Variants in IL1RAPL2 observed in about 807,000 individuals in gnomAD.
IL1RAPL2 encodes the protein X-linked interleukin-1 receptor accessory protein-like 2.
Under a neutral mutation model 44.1 loss-of-function variants are expected in IL1RAPL2, and 3 were observed. That is an observed-to-expected ratio of 0.07 (90% CI 0.03 to 0.18). The LOEUF (loss-of-function observed/expected upper bound fraction) is 0.18, where lower values mean the gene tolerates loss of function less well. Ranked by LOEUF, IL1RAPL2 falls within the 10% of genes least tolerant of loss-of-function variation. The probability of loss-of-function intolerance (pLI) is 1.00; values close to 1 mark genes in which losing one functional copy is unlikely to be tolerated. For missense variants in IL1RAPL2, 391 were observed against 496.4 expected (o/e 0.79, Z 2.02); for synonymous variants, 181 against 178.8 (o/e 1.01, Z -0.10).
At chrX:105,309,504 G>A (rs1179516418) in intron 5 of IL1RAPL2, among the ~76,000 whole-genome samples, 1 of 107,862 alleles carries the variant, frequency 9.3e-6, no homozygotes, top group Non-Finnish European at 1.9e-5. Context: ...GGCCAAGGTG[G>A]GCAGATTACC....
intron 2 of IL1RAPL2, among the ~76,000 whole-genome samples, chrX:104,788,427 G>T (rs1240417082): frequency 8.9e-6 from 1 of 111,953 alleles, no homozygotes; most frequent in Non-Finnish European, 1.9e-5. Context: ...GAGAGTTTTT[G>T]GAACTAGTAC....
chrX:104,949,379 TCA>T (rs1282901499), intron 2 of IL1RAPL2, among the ~76,000 whole-genome samples: 1 of 110,955 alleles, frequency 9.0e-6, no homozygotes, highest in Non-Finnish European at 1.9e-5. Flanking sequence ...GCTCCTGGAT[TCA>T]CTCATTTTTT....
chrX:105,687,597 A>T (rs2037993032), intron 6 of IL1RAPL2, among the ~76,000 whole-genome samples: 1 of 111,489 alleles, frequency 9.0e-6, no homozygotes, highest in Non-Finnish European at 1.9e-5. Flanking sequence ...CTACCAACCA[A>T]AAAAAGTCCA....
At chrX:105,384,888 G>T (rs2035464970) in intron 5 of IL1RAPL2, among the ~76,000 whole-genome samples, 1 of 110,952 alleles carries the variant, frequency 9.0e-6, no homozygotes, top group Non-Finnish European at 1.9e-5. Flanking sequence ...TTGCTTCCTT[G>T]GTTTATTTTT....
intron 6 of IL1RAPL2, among the ~76,000 whole-genome samples, chrX:105,682,966 T>C (rs1208519673): frequency 1.8e-5 from 2 of 112,416 alleles, no homozygotes; most frequent in Non-Finnish European, 3.8e-5. Context: ...TGAGAAATAA[T>C]ACTTAATTAT....
chrX:105,455,337 T>C (rs1054615896), intron 5 of IL1RAPL2, among the ~76,000 whole-genome samples: 1 of 112,250 alleles, frequency 8.9e-6, no homozygotes, highest in African/African-American at 3.2e-5. Context: ...TAAACCTGTT[T>C]GTTGATTTTT....
chrX:104,752,356 A>G (rs908878001), intron 2 of IL1RAPL2, among the ~76,000 whole-genome samples: 18 of 110,843 alleles, frequency 1.6e-4, no homozygotes, highest in African/African-American at 5.9e-4. Flanking sequence ...ATATTCAATT[A>G]TCATTTCTTG....
chrX:105,712,682 C>T (rs979130334), intron 6 of IL1RAPL2, among the ~76,000 whole-genome samples: 1 of 111,393 alleles, frequency 9.0e-6, no homozygotes, highest in African/African-American at 3.3e-5. Context: ...CACCTCCAAC[C>T]TGGTCCCTCC....
chrX:104,869,576 C>T (rs1196528457), intron 2 of IL1RAPL2, among the ~76,000 whole-genome samples: 3 of 110,891 alleles, frequency 2.7e-5, no homozygotes, highest in Non-Finnish European at 5.7e-5. Flanking sequence ...CATTATTATA[C>T]TTTAAGTTTT....
At chrX:105,092,635 C>A (rs1602950576) in intron 2 of IL1RAPL2, among the ~76,000 whole-genome samples, 1 of 111,591 alleles carries the variant, frequency 9.0e-6, no homozygotes, top group South Asian at 3.8e-4. Context: ...GCTCCTACTC[C>A]AAATCACATT....
At chrX:104,649,578 T>C (rs1930113982) in intron 1 of IL1RAPL2, among the ~76,000 whole-genome samples, 1 of 112,001 alleles carries the variant, frequency 8.9e-6, no homozygotes, top group Admixed American at 9.5e-5. Flanking sequence ...TAAAGAACTG[T>C]CTTTCTCTGT....
intron 5 of IL1RAPL2, among the ~76,000 whole-genome samples, chrX:105,285,125 C>A (rs970388891): frequency 8.9e-6 from 1 of 111,917 alleles, no homozygotes; most frequent in African/African-American, 3.2e-5. Flanking sequence ...GGTGCTGATT[C>A]GCATAACATT....
intron 5 of IL1RAPL2, among the ~76,000 whole-genome samples, chrX:105,385,693 C>G (rs2035471558): frequency 1.8e-5 from 2 of 110,657 alleles, no homozygotes; most frequent in African/African-American, 6.6e-5. Flanking sequence ...TAAAAAAAAT[C>G]TAAAGAGATC....
chrX:105,068,681 CG>C (rs1820600928), intron 2 of IL1RAPL2, among the ~76,000 whole-genome samples: 1 of 111,470 alleles, frequency 9.0e-6, no homozygotes, highest in Non-Finnish European at 1.9e-5. Context: ...TAGGCATTGT[CG>C]GGTAGCATCA....
At position 104,982,642 on chromosome X, in the gene IL1RAPL2, A is replaced by G. The variant is rs142671828; in HGVS notation, c.83-212833A>G. On this transcript the variant is annotated intron_variant, in intron 2 of 10. Transcript: ENST00000372582. ...ACAGAAAACAAACAGAAAAAAAATA[A>G]CAACAGAATTAGTTCAGTTTGTTGG... Among the ~76,000 whole-genome samples, 14 of 111,557 alleles carry G rather than the reference A, an allele frequency of 1.3e-4. No individual in the cohort carries two copies. The East Asian group carries it at 3.7e-3, about 29-fold the overall frequency.
intron 2 of IL1RAPL2, among the ~76,000 whole-genome samples, chrX:105,021,942 A>G (rs569200408): frequency 1.8e-5 from 2 of 111,069 alleles, no homozygotes; most frequent in South Asian, 7.5e-4. Context: ...TAGACAATAC[A>G]TTTAGGGTGT....
chrX:105,195,440 C>T lies in IL1RAPL2; in HGVS notation c.83-35C>T, dbSNP rs781974599. On this transcript the variant is annotated intron_variant, in intron 2 of 10. Coordinates refer to ENST00000372582, the MANE Select transcript of IL1RAPL2 (RefSeq NM_017416.2). ...TCACACTATTAGTGTCAACAATGCTCACTGTATCTTATACCTCTTCTGATT... is the reference window on the plus strand; with the variant it reads ...TCACACTATTAGTGTCAACAATGCTTACTGTATCTTATACCTCTTCTGATT... 4.2e-6 allele frequency: 5 copies of T among 1,191,694 alleles called. No homozygotes were observed. The African/African-American group carries it at 8.8e-5, about 21-fold the overall frequency.
rs182129432 is a variant in IL1RAPL2 at position 105,233,781 on chromosome X, C to T, written c.357-37C>T. The T allele has an allele frequency of 2.9e-4, 322 of 1,099,980 alleles. 1 individual carries two copies. The African/African-American group carries it at 5.4e-3, about 19-fold the overall frequency. The allele number at this position is 1,099,980 out of a possible 1,213,427, so 90.7% of individuals were successfully genotyped here. ...AGAGCACAAACAAAGTTGTAAACAC[C>T]CAATAAAGCCATTTTGTTATTTCTC... On this transcript the variant is annotated intron_variant, in intron 3 of 10. Coordinates refer to ENST00000372582, the MANE Select transcript of IL1RAPL2 (RefSeq NM_017416.2).
intron 5 of IL1RAPL2, among the ~76,000 whole-genome samples, chrX:105,362,545 C>G (rs2035255636): frequency 9.0e-6 from 1 of 110,701 alleles, no homozygotes; most frequent in Non-Finnish European, 1.9e-5. Flanking sequence ...ACTACAGGTT[C>G]TATCCTCAAC....
Sources: gnomAD v4.1 joint callset for allele counts (sites outside exome capture counted in the v4.1 genomes callset) on GRCh38, gnomAD v4.1.1 for gene constraint, MANE v1.5 for transcripts, NCBI Gene and HGNC (gene_info 2026-07-23, HGNC 2026-07-21) for gene names.